The following SGCD variants were observed in gnomAD, a reference collection of about 807,000 sequenced individuals.
SGCD encodes the protein sarcoglycan delta.
SGCD carries 18 observed loss-of-function variants against 36.6 expected under a neutral mutation model. The observed-to-expected ratio is 0.49, with a 90% CI of 0.34 to 0.73. The LOEUF (loss-of-function observed/expected upper bound fraction) is 0.73. SGCD is among the 30% of genes least tolerant of loss of function. SGCD has a pLI of 0.01. For missense variants in SGCD, 387 were observed against 346.7 expected, an observed-to-expected ratio of 1.12 and a Z score of -0.92; for synonymous variants, 133 against 130.6, an observed-to-expected ratio of 1.02 and a Z score of -0.12.
chr5:156,113,940 C>T (rs567197449), intron 1 of SGCD, among the ~76,000 whole-genome samples: 16 of 152,156 alleles, frequency 1.1e-4, no homozygotes, highest in Non-Finnish European at 1.9e-4. Flanking sequence ...ATTCCAACAA[C>T]ATGGCTTTCT....
At chr5:156,197,285 T>C (rs1339648006) in intron 3 of SGCD, among the ~76,000 whole-genome samples, 1 of 152,180 alleles carries the variant, frequency 6.6e-6, no homozygotes, top group Non-Finnish European at 1.5e-5. Context: ...CACTGCCACT[T>C]GCAGTGAATG....
chr5:156,725,746 G>T (rs897956278), intron 7 of SGCD, among the ~76,000 whole-genome samples: 3 of 152,146 alleles, frequency 2.0e-5, no homozygotes, highest in African/African-American at 7.2e-5. Context: ...GCTCAGCAGG[G>T]GTTATGGGAA....
chr5:156,630,803 T>C (rs1163624282), intron 6 of SGCD, among the ~76,000 whole-genome samples: 1 of 152,218 alleles, frequency 6.6e-6, no homozygotes, highest in African/African-American at 2.4e-5. Flanking sequence ...TAGGTGTTTA[T>C]AGGCCCAAAT....
chr5:155,864,303 C>A, the SGCD span, among the ~76,000 whole-genome samples: 1 of 152,200 alleles, frequency 6.6e-6, no homozygotes, highest in Admixed American at 6.5e-5. Context: ...AGGATATTGG[C>A]TGTACTCAGA....
intron 3 of SGCD, among the ~76,000 whole-genome samples, chr5:156,174,712 A>T (rs1222773252): frequency 1.3e-5 from 2 of 152,222 alleles, no homozygotes; most frequent in Non-Finnish European, 2.9e-5. Context: ...CAAGATCTCC[A>T]CAGTGTTCTG....
chr5:156,445,926 T>A, intron 3 of SGCD, among the ~76,000 whole-genome samples: 1 of 152,140 alleles, frequency 6.6e-6, no homozygotes. Context: ...CAGGGGAATA[T>A]GTACTATGTA....
intron 1 of SGCD, among the ~76,000 whole-genome samples, chr5:156,087,640 C>CAA (rs146938753): frequency 9.2e-4 from 73 of 79,776 alleles, no homozygotes; most frequent in African/African-American, 2.1e-3. Flanking sequence ...AACTCCATCT[C>CAA]AAAAAAAAAA....
At chr5:156,356,131 A>G (rs1264008199) in intron 3 of SGCD, among the ~76,000 whole-genome samples, 5 of 152,184 alleles carry the variant, frequency 3.3e-5, no homozygotes, top group Admixed American at 1.3e-4. Flanking sequence ...CTGATTATCT[A>G]TTGCTACACA....
chr5:155,897,183 C>G, intron 1 of SGCD, among the ~76,000 whole-genome samples: 1 of 152,190 alleles, frequency 6.6e-6, no homozygotes, highest in African/African-American at 2.4e-5. Flanking sequence ...CAGCTTAGTG[C>G]TTCCAGGCTG....
At chr5:156,229,924 T>C (rs1330008755) in intron 3 of SGCD, among the ~76,000 whole-genome samples, 3 of 152,336 alleles carry the variant, frequency 2.0e-5, no homozygotes, top group East Asian at 1.9e-4. Flanking sequence ...GAGTTCCGAA[T>C]TTCTTTCTTC....
chr5:155,920,767 C>T (rs1375272106), intron 1 of SGCD, among the ~76,000 whole-genome samples: 1 of 152,094 alleles, frequency 6.6e-6, no homozygotes, highest in African/African-American at 2.4e-5. Context: ...AGGACAAAAG[C>T]AATGTCCAGC....
At chr5:156,626,587 C>T (rs536119883) in intron 6 of SGCD, among the ~76,000 whole-genome samples, 3 of 152,284 alleles carry the variant, frequency 2.0e-5, no homozygotes, top group Non-Finnish European at 4.4e-5. Context: ...GACAAGTCGA[C>T]TTCTACTTGG....
the SGCD span, among the ~76,000 whole-genome samples, chr5:155,728,989 G>C: frequency 2.6e-5 from 4 of 152,244 alleles, no homozygotes; most frequent in Admixed American, 6.5e-5. Context: ...TTATACCCAG[G>C]GGTGAGTAGG....
the SGCD span, among the ~76,000 whole-genome samples, chr5:155,851,252 G>A: frequency 6.6e-6 from 1 of 152,152 alleles, no homozygotes; most frequent in African/African-American, 2.4e-5. Context: ...ATCCACATCA[G>A]TTGAAGGATC....
At chr5:156,447,754 C>T (rs1753806723) in intron 3 of SGCD, among the ~76,000 whole-genome samples, 1 of 152,126 alleles carries the variant, frequency 6.6e-6, no homozygotes, top group African/African-American at 2.4e-5. Context: ...CACCATGATA[C>T]ATGTTCACCT....
At chr5:155,812,686 T>C in the SGCD span, among the ~76,000 whole-genome samples, 1 of 152,340 alleles carries the variant, frequency 6.6e-6, no homozygotes, top group South Asian at 2.1e-4. Context: ...ATGGGACATT[T>C]GAATAAGAAC....
intron 1 of SGCD, among the ~76,000 whole-genome samples, chr5:155,927,442 A>G (rs776940815): frequency 5.9e-5 from 9 of 152,094 alleles, no homozygotes; most frequent in Non-Finnish European, 1.2e-4. Flanking sequence ...TCTCAGCAAG[A>G]GAGTGTTAAA....
chr5:156,424,719 C>G (rs1050006890), intron 3 of SGCD, among the ~76,000 whole-genome samples: 2 of 152,052 alleles, frequency 1.3e-5, no homozygotes, highest in African/African-American at 4.8e-5. Flanking sequence ...TATGGCTGTA[C>G]TCATGGCCAT....
chr5:156,756,267 T>C (rs1289423761), intron 7 of SGCD, among the ~76,000 whole-genome samples: 1 of 152,156 alleles, frequency 6.6e-6, no homozygotes, highest in African/African-American at 2.4e-5. Flanking sequence ...TTAAAATCAA[T>C]TGGGTATGAT....
Sources: allele counts gnomAD v4.1 joint callset (sites outside exome capture counted in the v4.1 genomes callset), GRCh38; gene constraint gnomAD v4.1.1; transcripts MANE v1.5; gene names NCBI Gene and HGNC (gene_info 2026-07-23, HGNC 2026-07-21).